SLC25A21: variants seen among roughly 807,000 people sequenced by gnomAD.
The protein encoded by SLC25A21 is solute carrier family 25 member 21.
In SLC25A21, 47 loss-of-function variants were observed where a neutral mutation model predicts 43.8. The observed-to-expected ratio is 1.07, with a 90% CI of 0.85 to 1.37. SLC25A21 has a LOEUF of 1.37. Ranked by LOEUF, SLC25A21 falls within the 40% of genes most tolerant of loss-of-function variation. The pLI is 0.00. For missense variants in SLC25A21, 352 were observed against 350.2 expected, an observed-to-expected ratio of 1.00 and a Z score of -0.04; for synonymous variants, 131 against 121.3, an observed-to-expected ratio of 1.08 and a Z score of -0.52.
chr14:36,883,874 T>A (rs1426835828), intron 1 of SLC25A21, among the ~76,000 whole-genome samples: 1 of 152,188 alleles, frequency 6.6e-6, no homozygotes, highest in African/African-American at 2.4e-5. Context: ...GTTTATGGGG[T>A]ACAATGTGAT....
chr14:37,012,513 T>C (rs1960755437), intron 1 of SLC25A21, among the ~76,000 whole-genome samples: 1 of 152,120 alleles, frequency 6.6e-6, no homozygotes, highest in African/African-American at 2.4e-5. Context: ...ATGCAGAAAG[T>C]AGGAAATAAA....
At chr14:36,762,142 G>A (rs1008969602) in intron 3 of SLC25A21, among the ~76,000 whole-genome samples, 2 of 152,252 alleles carry the variant, frequency 1.3e-5, no homozygotes, top group African/African-American at 2.4e-5. Flanking sequence ...TGGAAGTGAG[G>A]TGCTAATATA....
intron 1 of SLC25A21, among the ~76,000 whole-genome samples, chr14:37,145,586 T>C (rs1402558289): frequency 3.9e-5 from 6 of 152,048 alleles, no homozygotes; most frequent in Non-Finnish European, 5.9e-5. Flanking sequence ...TCCCCTATCA[T>C]ATGACTGCCA....
intron 7 of SLC25A21, among the ~76,000 whole-genome samples, chr14:36,696,144 T>C (rs1202381995): frequency 6.6e-6 from 1 of 152,248 alleles, no homozygotes; most frequent in Non-Finnish European, 1.5e-5. Flanking sequence ...TCGAAGGCCT[T>C]TTCTGCATCT....
At chr14:37,042,287 T>C (rs1023433981) in intron 1 of SLC25A21, among the ~76,000 whole-genome samples, 11 of 152,316 alleles carry the variant, frequency 7.2e-5, no homozygotes, top group Admixed American at 3.3e-4. Flanking sequence ...AGCAAAAATA[T>C]TGAGTTATGT....
chr14:36,682,847 T>C (rs1372997380), intron 9 of SLC25A21, among the ~76,000 whole-genome samples: 2 of 152,200 alleles, frequency 1.3e-5, no homozygotes, highest in Non-Finnish European at 2.9e-5. Context: ...TTCCTAAATA[T>C]ATGAAAGTGT....
At chr14:36,759,302 T>C (rs1163782975) in intron 3 of SLC25A21, among the ~76,000 whole-genome samples, 2 of 152,216 alleles carry the variant, frequency 1.3e-5, no homozygotes, top group Non-Finnish European at 1.5e-5. Context: ...AAGGTTGCCA[T>C]CTAAATCTAG....
intron 1 of SLC25A21, among the ~76,000 whole-genome samples, chr14:37,138,619 T>C (rs987681224): frequency 6.6e-6 from 1 of 152,084 alleles, no homozygotes. Flanking sequence ...ATCTCTTATC[T>C]TTTATCTATT....
intron 3 of SLC25A21, among the ~76,000 whole-genome samples, chr14:36,757,980 C>T (rs1885998117): frequency 6.6e-6 from 1 of 152,198 alleles, no homozygotes; most frequent in South Asian, 2.1e-4. Flanking sequence ...GTGCCTACCG[C>T]AAGAGGATGG....
At chr14:36,990,529 A>C (rs573582361) in intron 1 of SLC25A21, among the ~76,000 whole-genome samples, 1 of 152,290 alleles carries the variant, frequency 6.6e-6, no homozygotes, top group East Asian at 1.9e-4. Context: ...CCTAAAAAAA[A>C]CCTTCACTGC....
At chr14:36,916,790 C>G (rs1334234988) in intron 1 of SLC25A21, among the ~76,000 whole-genome samples, 1 of 152,126 alleles carries the variant, frequency 6.6e-6, no homozygotes, top group African/African-American at 2.4e-5. Context: ...ACATTTCCCC[C>G]TGGACAGCTC....
intron 7 of SLC25A21, among the ~76,000 whole-genome samples, chr14:36,701,383 G>A (rs1005185138): frequency 3.9e-5 from 6 of 152,168 alleles, no homozygotes; most frequent in African/African-American, 1.4e-4. Flanking sequence ...GGAATGTGGA[G>A]TATTCCTAAG....
chr14:36,727,512 A>AC (rs1235852164), intron 5 of SLC25A21, among the ~76,000 whole-genome samples: 1 of 152,066 alleles, frequency 6.6e-6, no homozygotes, highest in Non-Finnish European at 1.5e-5. Context: ...ACATGGTGAA[A>AC]CCCCATCTCT....
chr14:36,844,184 G>A (rs1472544648), intron 2 of SLC25A21, among the ~76,000 whole-genome samples: 2 of 152,168 alleles, frequency 1.3e-5, no homozygotes, highest in Non-Finnish European at 2.9e-5. Flanking sequence ...TAATTTATGA[G>A]CATGCTAATC....
At chr14:37,159,083 A>T (rs1963896619) in intron 1 of SLC25A21, among the ~76,000 whole-genome samples, 1 of 152,102 alleles carries the variant, frequency 6.6e-6, no homozygotes, top group South Asian at 2.1e-4. Flanking sequence ...GAAATTAAAG[A>T]TGACACAAAC....
rs1211071762 is a variant in SLC25A21 at position 37,098,774 on chromosome 14, CAGACAGACAGACAGAT to C, written c.70+73491_70+73506del. Among the ~76,000 whole-genome samples the C allele has an allele frequency of 1.6e-4, 19 of 120,004 alleles. 1 individual carries two copies. The highest frequency in any genetic ancestry group is 1.3e-3 in the Admixed American group (14 of 10,766). 78.7% of individuals were successfully genotyped at this position (120,004 alleles called of 152,430 possible). Reference sequence around the variant, plus strand: ...ACAGACAGACAGACAGACAGACAGACAGACAGACAGACAGATAGATAGATAGATAGATTTTTTTTTT... The same window carrying C: ...ACAGACAGACAGACAGACAGACAGACAGATAGATAGATAGATTTTTTTTTT... On this transcript the variant is annotated intron_variant, in intron 1 of 9. Transcript: ENST00000331299.
At chr14:36,707,588 G>A (rs181129900) in intron 7 of SLC25A21, among the ~76,000 whole-genome samples, 1 of 152,178 alleles carries the variant, frequency 6.6e-6, no homozygotes, top group African/African-American at 2.4e-5. Context: ...TATAATCTGG[G>A]CATGGGAAGT....
At chr14:36,894,053 G>A (rs1021716308) in intron 1 of SLC25A21, among the ~76,000 whole-genome samples, 2 of 152,180 alleles carry the variant, frequency 1.3e-5, no homozygotes, top group Non-Finnish European at 2.9e-5. Flanking sequence ...GAACTTTAAA[G>A]TAGTTTTTTC....
intron 1 of SLC25A21, among the ~76,000 whole-genome samples, chr14:37,060,747 A>G (rs1231432288): frequency 6.6e-6 from 1 of 152,142 alleles, no homozygotes; most frequent in Non-Finnish European, 1.5e-5. Flanking sequence ...GAAAACAAAA[A>G]CAACTACATG....
Sources: allele counts gnomAD v4.1 joint callset (sites outside exome capture counted in the v4.1 genomes callset), GRCh38; gene constraint gnomAD v4.1.1; transcripts MANE v1.5; gene names NCBI Gene and HGNC (gene_info 2026-07-23, HGNC 2026-07-21).